Variants in MZT1 observed in about 807,000 individuals in gnomAD.
The protein encoded by MZT1 is mitotic-spindle organizing protein 1.
In MZT1, 8 loss-of-function variants were observed where a neutral mutation model predicts 8.5. That is an observed-to-expected ratio of 0.94 (90% CI 0.55 to 1.70). The LOEUF (loss-of-function observed/expected upper bound fraction) is 1.70. Among genes scored for constraint, MZT1 ranks in the 40% most tolerant of loss-of-function variants. The pLI is 0.00. For missense variants in MZT1, 93 were observed against 108.6 expected, an observed-to-expected ratio of 0.86 and a Z score of 0.64; for synonymous variants, 38 against 42.0, an observed-to-expected ratio of 0.90 and a Z score of 0.37.
intron 2 of MZT1, among the ~76,000 whole-genome samples, chr13:72,712,987 T>C (rs1490636553): frequency 6.6e-6 from 1 of 152,212 alleles, no homozygotes; most frequent in African/African-American, 2.4e-5. Flanking sequence ...TTAAAAGTTA[T>C]TAGATAATAT....
intron 2 of MZT1, among the ~76,000 whole-genome samples, chr13:72,712,049 T>G (rs1261504888): frequency 1.3e-5 from 2 of 152,366 alleles, no homozygotes; most frequent in East Asian, 3.9e-4. Flanking sequence ...TTAAATTTTT[T>G]GTATTTTCTG....
In MZT1 at chr13:72,719,099, T is replaced by TAA; in HGVS notation, c.80-3_80-2insTT. On this transcript the variant is annotated splice_polypyrimidine_tract_variant and splice_region_variant and intron_variant, in intron 1 of 2. Coordinates refer to ENST00000377818, the MANE Select transcript of MZT1 (RefSeq NM_001071775.3). Reference sequence around the variant, plus strand: ...AAATTCTTGAAATCTCAAGCAGAACTGAAAAAAGATACAAAAAAAAAAAAA... The same window carrying TAA: ...AAATTCTTGAAATCTCAAGCAGAACTAAGAAAAAAGATACAAAAAAAAAAAAA... 1 of 1,429,894 alleles carries TAA rather than the reference T, an allele frequency of 7.0e-7. No individual in the cohort carries two copies. Among genetic ancestry groups the TAA allele is most frequent in the Non-Finnish European group, 9.1e-7 (1 of 1,099,678 alleles). The allele number at this position is 1,429,894 out of a possible 1,614,324, so 88.6% of individuals were successfully genotyped here.
In MZT1 at chr13:72,717,806, TTTCTC is replaced by T. The variant is rs1359462648; in HGVS notation, c.225+1141_225+1145del. Among the ~76,000 whole-genome samples, 8 of 152,312 alleles carry T rather than the reference TTTCTC, an allele frequency of 5.3e-5. 1 individual carries two copies. The South Asian group carries it at 1.5e-3, about 28-fold the overall frequency. ...ACTCTGAAGCTTTCTCTACAGTTCT[TTTCTC>T]TTCTTTCTGAGCCCTCACCAGAATT... On this transcript the variant is annotated intron_variant, in intron 2 of 2. Transcript: ENST00000377818.
chr13:72,727,619 G>A lies in MZT1; in HGVS notation c.-17C>T. 1 of 1,574,784 alleles carries A rather than the reference G, an allele frequency of 6.4e-7. No individual in the cohort carries two copies. The highest frequency in any genetic ancestry group is 8.6e-7 in the Non-Finnish European group (1 of 1,159,804). On this transcript the variant is annotated 5_prime_UTR_variant, in exon 1 of 3. Transcript: ENST00000377818. ...ACTCGCCATGGCTAAGGCCGAGGGA[G>A]GCGGGAGAAGGGCCTGACCCGGAAC...
chr13:72,709,997 G>A lies in MZT1; in HGVS notation c.*325C>T. The A allele has an allele frequency of 3.4e-6, 1 of 293,064 alleles. No individual in the cohort carries two copies. Among genetic ancestry groups the A allele is most frequent in the Non-Finnish European group, 6.4e-6 (1 of 157,242 alleles). The allele number at this position is 293,064 out of a possible 1,614,324, so 18.2% of individuals were successfully genotyped here. A position where few individuals can be genotyped will look rare whatever the true frequency, so the allele number is the denominator to read the frequency against. ...CACTATACTTCAACCTGGCACAGCA[G>A]ATGTGCACATCTGATAGACAGACTG... On this transcript the variant is annotated 3_prime_UTR_variant, in exon 3 of 3. Transcript: ENST00000377818.
chr13:72,715,071 C>G (rs1482513499), intron 2 of MZT1, among the ~76,000 whole-genome samples: 1 of 152,168 alleles, frequency 6.6e-6, no homozygotes, highest in Non-Finnish European at 1.5e-5. Context: ...AATGCCAGCC[C>G]ACGAAAGCAG....
chr13:72,718,357 A>T (rs2032557192), intron 2 of MZT1, among the ~76,000 whole-genome samples: 1 of 152,238 alleles, frequency 6.6e-6, no homozygotes, highest in Non-Finnish European at 1.5e-5. Context: ...ATTCATTGGG[A>T]CCAGGGGTTA....
At position 72,718,741 on chromosome 13, in the gene MZT1, A is replaced by G. The variant is rs181147848; in HGVS notation, c.225+211T>C. On this transcript the variant is annotated intron_variant, in intron 2 of 2. Coordinates refer to ENST00000377818, the MANE Select transcript of MZT1 (RefSeq NM_001071775.3). ...TGATCCGCCCAACTCAGCCTCCCAA[A>G]GTGCTGGGATTACAGGTGTGAGCCA... Among the ~76,000 whole-genome samples the G allele has an allele frequency of 2.0e-4, 31 of 152,156 alleles. No homozygotes were observed. The East Asian group carries it at 5.8e-3, about 29-fold the overall frequency.
At chr13:72,713,470 C>T (rs1051397053) in intron 2 of MZT1, among the ~76,000 whole-genome samples, 2 of 152,148 alleles carry the variant, frequency 1.3e-5, no homozygotes, top group African/African-American at 4.8e-5. Context: ...ATATAACCTA[C>T]ATGTATCCTC....
chr13:72,724,526 T>C (rs1236948864), intron 1 of MZT1, among the ~76,000 whole-genome samples: 5 of 146,480 alleles, frequency 3.4e-5, no homozygotes, highest in African/African-American at 1.2e-4. Flanking sequence ...CTTAACTCCT[T>C]TCTCTATAAC....
chr13:72,717,753 T>C (rs1286435687), intron 2 of MZT1, among the ~76,000 whole-genome samples: 1 of 152,218 alleles, frequency 6.6e-6, no homozygotes, highest in Non-Finnish European at 1.5e-5. Context: ...TCTAGCAACA[T>C]TCTGATCCTA....
At chr13:72,719,380 T>G (rs9543099) in intron 1 of MZT1, among the ~76,000 whole-genome samples, 48,966 of 152,116 alleles carry the variant, frequency 0.32, 8,933 homozygotes, top group East Asian at 0.5. Context: ...ATACTTAGGA[T>G]AATTCTGAAC....
chr13:72,718,479 T>TC (rs1217532384), intron 2 of MZT1, among the ~76,000 whole-genome samples: 2 of 151,846 alleles, frequency 1.3e-5, no homozygotes, highest in Non-Finnish European at 2.9e-5. Flanking sequence ...TAGTAATTTT[T>TC]CTTTTTTTTT....
At chr13:72,720,448 A>C (rs1257126589) in intron 1 of MZT1, among the ~76,000 whole-genome samples, 1 of 152,200 alleles carries the variant, frequency 6.6e-6, no homozygotes, top group African/African-American at 2.4e-5. Flanking sequence ...CTACATTATT[A>C]TTTTGGGAAG....
chr13:72,716,334 A>T (rs1252085803), intron 2 of MZT1, among the ~76,000 whole-genome samples: 1 of 152,108 alleles, frequency 6.6e-6, no homozygotes, highest in East Asian at 1.9e-4. Context: ...AGAGGGCAGA[A>T]GGGGGATTAT....
intron 1 of MZT1, among the ~76,000 whole-genome samples, chr13:72,724,701 A>AATATATATATATATATACATAT (rs2032623377): frequency 3.1e-5 from 1 of 32,642 alleles, no homozygotes; most frequent in African/African-American, 5.5e-5. Context: ...CTTACTACTA[A>AATATATATATATATATACATAT]ATATATATAT....
At chr13:72,720,542 T>C (rs1354456721) in intron 1 of MZT1, among the ~76,000 whole-genome samples, 2 of 152,202 alleles carry the variant, frequency 1.3e-5, no homozygotes, top group African/African-American at 4.8e-5. Context: ...ATCATGTTCA[T>C]GAGATAGGTC....
Position 72,710,296 on chromosome 13 carries a change from T to TA in MZT1, c.*25dup. On this transcript the variant is annotated 3_prime_UTR_variant, in exon 3 of 3. Coordinates refer to ENST00000377818, the MANE Select transcript of MZT1 (RefSeq NM_001071775.3). ...TCAAACCCTCTTGCAGAGCTTGACATATCTCATCAGAATTTCTCCAGAAAG... is the reference window on the plus strand; with the variant it reads ...TCAAACCCTCTTGCAGAGCTTGACATAATCTCATCAGAATTTCTCCAGAAAG... The TA allele has an allele frequency of 6.2e-7, 1 of 1,611,966 alleles. No individual in the cohort carries two copies. The highest frequency in any genetic ancestry group is 1.1e-5 in the South Asian group (1 of 91,002).
intron 2 of MZT1, among the ~76,000 whole-genome samples, chr13:72,718,126 C>T (rs376671566): frequency 6.6e-6 from 1 of 152,182 alleles, no homozygotes; most frequent in South Asian, 2.1e-4. Context: ...TTAACCAAGG[C>T]GTTAGCTGGG....
Sources: gnomAD v4.1 joint callset for allele counts (sites outside exome capture counted in the v4.1 genomes callset) on GRCh38, gnomAD v4.1.1 for gene constraint, MANE v1.5 for transcripts, NCBI Gene and HGNC (gene_info 2026-07-23, HGNC 2026-07-21) for gene names.